The following PAPPA2 variants were observed in gnomAD, a reference collection of about 807,000 sequenced individuals.
PAPPA2 encodes pappalysin 2, also known as pappalysin-2.
PAPPA2 carries 86 observed loss-of-function variants against 176.4 expected under a neutral mutation model. The observed-to-expected ratio is 0.49, with a 90% CI of 0.41 to 0.58. The LOEUF (loss-of-function observed/expected upper bound fraction) is 0.58. PAPPA2 is among the 20% of genes least tolerant of loss of function. The pLI is 0.00. For missense variants in PAPPA2, 2,073 were observed against 2,256.9 expected (o/e 0.92, Z 1.65); for synonymous variants, 809 against 852.2 (o/e 0.95, Z 0.88).
At chr1:176,606,281 T>C (rs1654605795) in intron 3 of PAPPA2, among the ~76,000 whole-genome samples, 1 of 152,228 alleles carries the variant, frequency 6.6e-6, no homozygotes, top group Admixed American at 6.5e-5. Flanking sequence ...CAACTGCGAT[T>C]CTATATTGTG....
chr1:176,836,367 T>A (rs1458300141), intron 21 of PAPPA2, among the ~76,000 whole-genome samples: 2 of 152,198 alleles, frequency 1.3e-5, no homozygotes, highest in African/African-American at 2.4e-5. Context: ...GTCCCATGCC[T>A]TACCTTTAGA....
intron 4 of PAPPA2, among the ~76,000 whole-genome samples, chr1:176,682,792 G>A (rs1659648191): frequency 6.6e-6 from 1 of 151,790 alleles, no homozygotes. Context: ...CTCCTTCCTT[G>A]GACCCCAAGT....
Position 176,672,174 on chromosome 1 carries a change from G to A in PAPPA2, c.2137+1059G>A, listed in dbSNP as rs780091688. Among the ~76,000 whole-genome samples, 116 of 152,028 alleles carry A rather than the reference G, an allele frequency of 7.6e-4. 2 individuals carry two copies. The highest frequency in any genetic ancestry group is 3.4e-3 in the Middle Eastern group (1 of 294). ...CCAAGCAAGAAGAGGGATTACATCC[G>A]TTTTATAAACATATGGATAAAGAGT... On this transcript the variant is annotated intron_variant, in intron 4 of 22. Coordinates refer to ENST00000367662, the MANE Select transcript of PAPPA2 (RefSeq NM_020318.3).
chr1:176,787,855 G>A lies in PAPPA2; in HGVS notation c.4716-1954G>A, dbSNP rs1179078381. Among the ~76,000 whole-genome samples the A allele has an allele frequency of 2.0e-5, 3 of 151,990 alleles. No homozygotes were observed. In the East Asian group the frequency reaches 5.9e-4, roughly 30 times the overall value. On this transcript the variant is annotated intron_variant, in intron 17 of 22. Coordinates refer to ENST00000367662, the MANE Select transcript of PAPPA2 (RefSeq NM_020318.3). ...GCGGGTGGATCACCTGAGGTTGGGA[G>A]TTCAAGACCAGCCTGAGCAACATGG...
At chr1:176,671,385 A>G (rs1658988508) in intron 4 of PAPPA2, among the ~76,000 whole-genome samples, 1 of 152,234 alleles carries the variant, frequency 6.6e-6, no homozygotes, top group Non-Finnish European at 1.5e-5. Context: ...CTGGCATAGA[A>G]TAAGATCATT....
chr1:176,474,650 A>C (rs1443875122), intron 1 of PAPPA2, among the ~76,000 whole-genome samples: 1 of 152,216 alleles, frequency 6.6e-6, no homozygotes, highest in Non-Finnish European at 1.5e-5. Flanking sequence ...TTTAGTTCCT[A>C]TCCAAGACTC....
At chr1:176,771,583 A>G (rs1454125755) in intron 17 of PAPPA2, among the ~76,000 whole-genome samples, 3 of 152,220 alleles carry the variant, frequency 2.0e-5, no homozygotes, top group Non-Finnish European at 4.4e-5. Flanking sequence ...TTCTGTAAAA[A>G]GGAGATGATG....
intron 4 of PAPPA2, among the ~76,000 whole-genome samples, chr1:176,689,400 AG>A (rs1398193448): frequency 6.6e-6 from 1 of 152,140 alleles, no homozygotes; most frequent in Non-Finnish European, 1.5e-5. Flanking sequence ...AGGGGCAGTG[AG>A]GGTGGGGCAT....
chr1:176,728,489 A>G (rs935903820), intron 12 of PAPPA2, among the ~76,000 whole-genome samples: 4 of 151,986 alleles, frequency 2.6e-5, no homozygotes, highest in African/African-American at 9.7e-5. Context: ...TATCTCTATG[A>G]AGAAATGCTA....
At chr1:176,651,268 T>G (rs1657703481) in intron 3 of PAPPA2, among the ~76,000 whole-genome samples, 1 of 151,636 alleles carries the variant, frequency 6.6e-6, no homozygotes, top group South Asian at 2.1e-4. Context: ...TAGTGTTTTT[T>G]TTTCAGACGG....
At chr1:176,495,885 A>G (rs949205407) in intron 1 of PAPPA2, among the ~76,000 whole-genome samples, 1 of 151,896 alleles carries the variant, frequency 6.6e-6, no homozygotes, top group African/African-American at 2.4e-5. Flanking sequence ...CTCCCGCTCC[A>G]TCTTCCTGAG....
chr1:176,657,978 T>A (rs1019469647), intron 3 of PAPPA2, among the ~76,000 whole-genome samples: 2 of 151,980 alleles, frequency 1.3e-5, no homozygotes, highest in African/African-American at 4.8e-5. Context: ...TATAATCAAC[T>A]ACTATTGAAT....
intron 8 of PAPPA2, among the ~76,000 whole-genome samples, chr1:176,700,741 C>G (rs188263674): frequency 7.2e-5 from 11 of 152,200 alleles, no homozygotes; most frequent in Non-Finnish European, 1.3e-4. Context: ...CAATGGGTGG[C>G]GAAATAAACC....
intron 8 of PAPPA2, among the ~76,000 whole-genome samples, chr1:176,700,686 A>T (rs1660613500): frequency 6.6e-6 from 1 of 152,238 alleles, no homozygotes; most frequent in East Asian, 1.9e-4. Flanking sequence ...GTTATTCATG[A>T]TAATGTTCCA....
chr1:176,681,605 T>C lies in PAPPA2; in HGVS notation c.2138-8532T>C, dbSNP rs1015739824. Reference sequence around the variant, plus strand: ...TGTCCGGCATACAGCAAGAGTTCAATAAATATGAGCTTTTGTACCAGTAGT... The same window carrying C: ...TGTCCGGCATACAGCAAGAGTTCAACAAATATGAGCTTTTGTACCAGTAGT... On this transcript the variant is annotated intron_variant, in intron 4 of 22. Coordinates refer to ENST00000367662, the MANE Select transcript of PAPPA2 (RefSeq NM_020318.3). Among the ~76,000 whole-genome samples the C allele has an allele frequency of 5.3e-5, 8 of 152,162 alleles. No homozygotes were observed. In the South Asian group the frequency reaches 1.4e-3, roughly 28 times the overall value.
intron 21 of PAPPA2, among the ~76,000 whole-genome samples, chr1:176,839,505 T>A (rs1667400342): frequency 6.6e-6 from 1 of 152,100 alleles, no homozygotes; most frequent in Non-Finnish European, 1.5e-5. Flanking sequence ...GAGTTGGCTG[T>A]ACCTGTGGGA....
intron 4 of PAPPA2, among the ~76,000 whole-genome samples, chr1:176,672,769 C>T (rs182790310): frequency 1.8e-4 from 27 of 152,192 alleles, no homozygotes; most frequent in African/African-American, 4.8e-4. Context: ...GCTTTGCCAG[C>T]GTGCATAGCT....
intron 21 of PAPPA2, among the ~76,000 whole-genome samples, chr1:176,831,734 A>G (rs991496636): frequency 1.3e-5 from 2 of 152,198 alleles, no homozygotes; most frequent in African/African-American, 4.8e-5. Flanking sequence ...AGTAAGTCCC[A>G]GAGAGTCTCC....
chr1:176,555,748 T>C lies in PAPPA2; in HGVS notation c.-575T>C, dbSNP rs1389910384. On this transcript the variant is annotated 5_prime_UTR_variant, in exon 2 of 23. Coordinates refer to ENST00000367662, the MANE Select transcript of PAPPA2 (RefSeq NM_020318.3). ...TCTCTGTGTAAAAGTTCTAGCAATT[T>C]GTTTTAAGGTGAACTTATTTTGGCT... The C allele has an allele frequency of 6.6e-6, 1 of 152,244 alleles. No homozygotes were observed. The highest frequency in any genetic ancestry group is 1.5e-5 in the Non-Finnish European group (1 of 68,096). The allele number at this position is 152,244 out of a possible 1,614,324, so 9.4% of individuals were successfully genotyped here. A position where few individuals can be genotyped will look rare whatever the true frequency, so the allele number is the denominator to read the frequency against.
Sources: gnomAD v4.1 joint callset for allele counts (sites outside exome capture counted in the v4.1 genomes callset) on GRCh38, gnomAD v4.1.1 for gene constraint, MANE v1.5 for transcripts, NCBI Gene and HGNC (gene_info 2026-07-23, HGNC 2026-07-21) for gene names.